The following TBC1D19 variants were observed in gnomAD, a reference collection of about 807,000 sequenced individuals.
TBC1D19 encodes the protein TBC1 domain family, member 19.
A neutral mutation model predicts 89.0 loss-of-function variants in TBC1D19; 60 were observed. That is an observed-to-expected ratio of 0.67 (90% CI 0.55 to 0.84). The LOEUF is 0.84. Ranked by LOEUF, TBC1D19 falls within the 40% of genes least tolerant of loss-of-function variation. TBC1D19 has a pLI of 0.00. For synonymous variants in TBC1D19, 189 were observed against 199.7 expected, an observed-to-expected ratio of 0.95 and a Z score of 0.45; for missense variants, 500 against 610.8, an observed-to-expected ratio of 0.82 and a Z score of 1.91.
the TBC1D19 span, among the ~76,000 whole-genome samples, chr4:26,818,552 G>A: frequency 6.6e-6 from 1 of 152,076 alleles, no homozygotes; most frequent in African/African-American, 2.4e-5. Flanking sequence ...CACCGCGGCT[G>A]GCCTCAATGT....
intron 13 of TBC1D19, among the ~76,000 whole-genome samples, chr4:26,711,366 C>T (rs956170827): frequency 7.2e-5 from 11 of 151,832 alleles, no homozygotes; most frequent in Non-Finnish European, 1.2e-4. Context: ...TTGAAATTTT[C>T]TAAATTTGGA....
At chr4:26,717,830 C>A in intron 13 of TBC1D19, 103 bp from the exon 14 acceptor site, 1 of 869,820 alleles carries the variant, frequency 1.1e-6, no homozygotes, top group South Asian at 1.7e-5. Flanking sequence ...CACCGCAAGG[C>A]ACGGTACTTG....
chr4:26,828,789 CTTAGCACAGTGCCTGGATGT>C, the TBC1D19 span, among the ~76,000 whole-genome samples: 1 of 152,226 alleles, frequency 6.6e-6, no homozygotes, highest in African/African-American at 2.4e-5. Context: ...ATACAAAGGA[CTTAGCACAGTGCCTGGATGT>C]TGTAAGTGCT....
chr4:26,740,566 C>T, intron 17 of TBC1D19: 1 of 769,686 alleles, frequency 1.3e-6, no homozygotes, highest in South Asian at 6.0e-5. Context: ...CAAGGAAAAG[C>T]ATATATTTAG....
At chr4:26,836,148 G>A in the TBC1D19 span, among the ~76,000 whole-genome samples, 1 of 152,088 alleles carries the variant, frequency 6.6e-6, no homozygotes, top group Non-Finnish European at 1.5e-5. Flanking sequence ...ATTCTTATGT[G>A]CCCTGACACT....
At chr4:26,719,879 C>A (rs1577981974) in intron 14 of TBC1D19, among the ~76,000 whole-genome samples, 1 of 151,940 alleles carries the variant, frequency 6.6e-6, no homozygotes, top group Non-Finnish European at 1.5e-5. Flanking sequence ...TACTTATGTT[C>A]GTGTTACTTT....
chr4:26,697,855 C>T (rs1338670112), intron 13 of TBC1D19, among the ~76,000 whole-genome samples: 15 of 152,230 alleles, frequency 9.9e-5, no homozygotes, highest in African/African-American at 3.4e-4. Context: ...ATTGATGGGA[C>T]GTATCTCAAA....
At chr4:26,668,708 G>A (rs956057140) in intron 9 of TBC1D19, among the ~76,000 whole-genome samples, 5 of 151,900 alleles carry the variant, frequency 3.3e-5, no homozygotes, top group Admixed American at 6.6e-5. Context: ...TGTTTGGCTA[G>A]AGGCAAGTTT....
At chr4:26,590,129 T>C (rs1223998594) in intron 1 of TBC1D19, among the ~76,000 whole-genome samples, 1 of 152,246 alleles carries the variant, frequency 6.6e-6, no homozygotes, top group East Asian at 1.9e-4. Flanking sequence ...AGCTTCCTTT[T>C]CCTCCTGTGC....
the TBC1D19 span, among the ~76,000 whole-genome samples, chr4:26,808,697 C>T: frequency 6.9e-6 from 1 of 144,960 alleles, no homozygotes; most frequent in Admixed American, 7.0e-5. Context: ...CCACTGCACT[C>T]CAGCCTGGCG....
intron 15 of TBC1D19, 74 bp from the exon 16 acceptor site, chr4:26,735,381 T>C: frequency 7.9e-7 from 1 of 1,268,608 alleles, no homozygotes; most frequent in Non-Finnish European, 1.1e-6. Context: ...TATTGTCAGT[T>C]TTAATCTTTT....
chr4:26,667,160 G>A (rs1440812048), intron 9 of TBC1D19, among the ~76,000 whole-genome samples: 1 of 151,792 alleles, frequency 6.6e-6, no homozygotes, highest in African/African-American at 2.4e-5. Context: ...ACTATATGTT[G>A]CATCTATATT....
chr4:26,597,254 G>A (rs1386471293), intron 1 of TBC1D19, among the ~76,000 whole-genome samples: 1 of 151,936 alleles, frequency 6.6e-6, no homozygotes, highest in Non-Finnish European at 1.5e-5. Flanking sequence ...ATTTTTAGTG[G>A]TTATATACAG....
At chr4:26,770,663 A>C in the TBC1D19 span, among the ~76,000 whole-genome samples, 19 of 152,258 alleles carry the variant, frequency 1.2e-4, no homozygotes, top group Admixed American at 1.2e-3. Flanking sequence ...CAAACTATAC[A>C]TTAATCTCAA....
At chr4:26,801,457 G>C in the TBC1D19 span, among the ~76,000 whole-genome samples, 1 of 152,138 alleles carries the variant, frequency 6.6e-6, no homozygotes, top group Admixed American at 6.5e-5. Context: ...CTCCAGCTTT[G>C]TTCTTTTGGC....
At chr4:26,716,696 T>C (rs1716636901) in intron 13 of TBC1D19, among the ~76,000 whole-genome samples, 1 of 152,140 alleles carries the variant, frequency 6.6e-6, no homozygotes, top group Non-Finnish European at 1.5e-5. Flanking sequence ...AAAAATTATA[T>C]GTATGAGTAT....
intron 11 of TBC1D19, among the ~76,000 whole-genome samples, chr4:26,683,141 A>G (rs559454083): frequency 3.3e-5 from 5 of 152,136 alleles, no homozygotes; most frequent in African/African-American, 1.2e-4. Flanking sequence ...TAAACTTTTT[A>G]TTTTGTAATA....
the TBC1D19 span, among the ~76,000 whole-genome samples, chr4:26,857,411 G>T: frequency 2.0e-5 from 3 of 152,322 alleles, no homozygotes; most frequent in African/African-American, 7.2e-5. Context: ...GCCACGCAGG[G>T]AAGTCAAAGA....
At chr4:26,826,534 G>A in the TBC1D19 span, among the ~76,000 whole-genome samples, 1 of 152,222 alleles carries the variant, frequency 6.6e-6, no homozygotes, top group African/African-American at 2.4e-5. Flanking sequence ...TATTAGAGCT[G>A]TTACAAACAT....
Sources: gnomAD v4.1 joint callset for allele counts (sites outside exome capture counted in the v4.1 genomes callset) on GRCh38, gnomAD v4.1.1 for gene constraint, MANE v1.5 for transcripts, NCBI Gene and HGNC (gene_info 2026-07-23, HGNC 2026-07-21) for gene names.